DYM: variants seen among roughly 807,000 people sequenced by gnomAD.
DYM encodes dymeclin.
DYM carries 78 observed loss-of-function variants against 93.1 expected under a neutral mutation model. That is an observed-to-expected ratio of 0.84 (90% confidence interval 0.70 to 1.01). The LOEUF (loss-of-function observed/expected upper bound fraction) is 1.01, where lower values mean the gene tolerates loss of function less well. DYM is among the 50% of genes least tolerant of loss of function. The pLI, the probability that DYM is intolerant of heterozygous loss-of-function variation, is 0.00. For synonymous variants in DYM, 321 were observed against 319.7 expected (o/e 1.00, Z -0.04); for missense variants, 789 against 845.0 (o/e 0.93, Z 0.82).
chr18:49,102,586 G>A (rs2145669400), intron 16 of DYM, among the ~76,000 whole-genome samples: 1 of 152,052 alleles, frequency 6.6e-6, no homozygotes, highest in Middle Eastern at 3.4e-3. Flanking sequence ...CCCACAACAG[G>A]CCCCAGTGTG....
At chr18:49,355,060 C>A (rs539212029) in intron 6 of DYM, among the ~76,000 whole-genome samples, 24 of 150,656 alleles carry the variant, frequency 1.6e-4, no homozygotes, top group Non-Finnish European at 3.3e-4. Flanking sequence ...AGATACATTT[C>A]ATCATGCATT....
At chr18:49,157,428 C>G (rs1405184420) in intron 15 of DYM, among the ~76,000 whole-genome samples, 1 of 152,110 alleles carries the variant, frequency 6.6e-6, no homozygotes, top group African/African-American at 2.4e-5. Flanking sequence ...AGGATCCTAC[C>G]TCATTCATTT....
intron 5 of DYM, among the ~76,000 whole-genome samples, chr18:49,371,414 A>AGTGAGCT (rs1393139298): frequency 6.6e-6 from 1 of 152,210 alleles, no homozygotes; most frequent in African/African-American, 2.4e-5. Flanking sequence ...CTGAGGCTTC[A>AGTGAGCT]GTGAGCTGTG....
At chr18:49,078,390 AATATAT>A (rs60812953) in intron 17 of DYM, among the ~76,000 whole-genome samples, 1 of 150,208 alleles carries the variant, frequency 6.7e-6, no homozygotes, top group Admixed American at 6.7e-5. Context: ...CAAAAATTAA[AATATAT>A]ATATATATAT....
chr18:49,363,406 G>C (rs2066219256), intron 5 of DYM, among the ~76,000 whole-genome samples, 173 bp from the exon 6 acceptor site: 1 of 152,172 alleles, frequency 6.6e-6, no homozygotes, highest in Admixed American at 6.5e-5. Flanking sequence ...TAGCATCTAT[G>C]ATGATCTTCA....
At chr18:49,233,356 CAAA>C (rs33916448) in intron 13 of DYM, among the ~76,000 whole-genome samples, 5 of 102,066 alleles carry the variant, frequency 4.9e-5, no homozygotes, top group Admixed American at 1.1e-4. Context: ...AAGATTCCAT[CAAA>C]AAAAAAAAAA....
At chr18:49,367,577 A>G (rs559764139) in intron 5 of DYM, among the ~76,000 whole-genome samples, 1 of 152,216 alleles carries the variant, frequency 6.6e-6, no homozygotes, top group Non-Finnish European at 1.5e-5. Context: ...CAGTAAAAAA[A>G]TTATTTTTAA....
chr18:49,315,756 A>T lies in DYM; in HGVS notation c.763+16108T>A, dbSNP rs896489475. On this transcript the variant is annotated intron_variant, in intron 8 of 17. Coordinates refer to ENST00000675505, the MANE Select transcript of DYM (RefSeq NM_001353214.3). ...AACTTAAAAGCAAATGAATCATAGTATATCATTTTGTTGTACCAAAATACT... is the reference window on the plus strand; with the variant it reads ...AACTTAAAAGCAAATGAATCATAGTTTATCATTTTGTTGTACCAAAATACT... Among the ~76,000 whole-genome samples, 4 of 152,348 alleles carry T rather than the reference A, an allele frequency of 2.6e-5. No homozygotes were observed. The East Asian group carries it at 7.7e-4, about 29-fold the overall frequency.
chr18:49,400,253 C>A (rs952408384), intron 2 of DYM, among the ~76,000 whole-genome samples: 1 of 151,976 alleles, frequency 6.6e-6, no homozygotes, highest in Non-Finnish European at 1.5e-5. Flanking sequence ...AAAGACATTT[C>A]TTTCTTTCCA....
chr18:49,184,239 ATTT>A (rs35549109), intron 14 of DYM, among the ~76,000 whole-genome samples: 1 of 148,104 alleles, frequency 6.8e-6, no homozygotes, highest in Non-Finnish European at 1.5e-5. Context: ...AAAAAACAAA[ATTT>A]TTTTTTTTTT....
chr18:49,259,150 C>T (rs1219435540), intron 11 of DYM, among the ~76,000 whole-genome samples: 2 of 152,074 alleles, frequency 1.3e-5, no homozygotes, highest in Non-Finnish European at 2.9e-5. Flanking sequence ...TGATTCTTGC[C>T]CTCTCTCTTA....
intron 17 of DYM, among the ~76,000 whole-genome samples, chr18:49,059,631 G>C (rs1473976425): frequency 6.6e-6 from 1 of 152,122 alleles, no homozygotes; most frequent in East Asian, 1.9e-4. Context: ...CTGGCAGTTA[G>C]GGGCCCAGGT....
At chr18:49,221,063 A>G (rs1266262855) in intron 13 of DYM, among the ~76,000 whole-genome samples, 2 of 152,210 alleles carry the variant, frequency 1.3e-5, no homozygotes, top group Non-Finnish European at 2.9e-5. Flanking sequence ...TTACAAGAAA[A>G]AAACAAACAA....
intron 17 of DYM, among the ~76,000 whole-genome samples, chr18:49,086,534 C>T (rs1255567253): frequency 6.6e-6 from 1 of 152,184 alleles, no homozygotes; most frequent in African/African-American, 2.4e-5. Context: ...ATTCAAACCA[C>T]AGCACCATGG....
intron 2 of DYM, among the ~76,000 whole-genome samples, chr18:49,405,297 A>G (rs2071346444): frequency 6.6e-6 from 1 of 152,168 alleles, no homozygotes; most frequent in African/African-American, 2.4e-5. Flanking sequence ...GTTTTTCAGA[A>G]CTTAGTCACA....
At chr18:49,277,721 A>C (rs776474014) in intron 10 of DYM, among the ~76,000 whole-genome samples, 4 of 152,204 alleles carry the variant, frequency 2.6e-5, no homozygotes, top group Non-Finnish European at 5.9e-5. Context: ...AAGGGGGCTG[A>C]CATCTCTATC....
intron 1 of DYM, among the ~76,000 whole-genome samples, chr18:49,439,508 G>A (rs1457404101): frequency 6.6e-6 from 1 of 152,080 alleles, no homozygotes; most frequent in African/African-American, 2.4e-5. Flanking sequence ...GCATGAATCA[G>A]GCCTTACACT....
At chr18:49,235,056 C>T (rs1031416317) in intron 13 of DYM, among the ~76,000 whole-genome samples, 62 of 152,270 alleles carry the variant, frequency 4.1e-4, no homozygotes, top group African/African-American at 1.5e-3. Context: ...CCAATATGAA[C>T]CCAGCAGGCC....
At chr18:49,166,919 T>G (rs1005028895) in intron 14 of DYM, among the ~76,000 whole-genome samples, 1 of 151,586 alleles carries the variant, frequency 6.6e-6, no homozygotes, top group Non-Finnish European at 1.5e-5. Flanking sequence ...TTTGCTTAGT[T>G]GAAGAAAAAA....
Sources: allele counts gnomAD v4.1 joint callset (sites outside exome capture counted in the v4.1 genomes callset), GRCh38; gene constraint gnomAD v4.1.1; transcripts MANE v1.5; gene names NCBI Gene and HGNC (gene_info 2026-07-23, HGNC 2026-07-21).